Variants in IFTAP observed in about 807,000 individuals in gnomAD.
IFTAP encodes intraflagellar transport-associated protein.
A neutral mutation model predicts 19.4 loss-of-function variants in IFTAP; 19 were observed. That is an observed-to-expected ratio of 0.98 (90% confidence interval 0.68 to 1.44). IFTAP has a LOEUF of 1.44. Among genes scored for constraint, IFTAP ranks in the 40% most tolerant of loss-of-function variants. The pLI is 0.00. For missense variants in IFTAP, 240 were observed against 253.6 expected, an observed-to-expected ratio of 0.95 and a Z score of 0.36; for synonymous variants, 85 against 83.5, an observed-to-expected ratio of 1.02 and a Z score of -0.10.
intron 2 of IFTAP, among the ~76,000 whole-genome samples, chr11:36,613,230 A>G (rs1193702605): frequency 6.6e-6 from 1 of 152,026 alleles, no homozygotes; most frequent in Non-Finnish European, 1.5e-5. Flanking sequence ...CTAAGTTTCA[A>G]TCTTTTGTGT....
chr11:36,603,979 A>G (rs1457637701), intron 1 of IFTAP, among the ~76,000 whole-genome samples: 1 of 151,906 alleles, frequency 6.6e-6, no homozygotes, highest in Non-Finnish European at 1.5e-5. Context: ...AAGGACCTAG[A>G]TCTGTTTTTG....
intron 4 of IFTAP, among the ~76,000 whole-genome samples, chr11:36,638,494 T>C (rs1853053827): frequency 6.6e-6 from 1 of 152,200 alleles, no homozygotes; most frequent in Non-Finnish European, 1.5e-5. Flanking sequence ...TCTATTCTAA[T>C]TACTGAAAAG....
chr11:36,621,999 G>A (rs1852307973), intron 2 of IFTAP, among the ~76,000 whole-genome samples: 1 of 151,784 alleles, frequency 6.6e-6, no homozygotes, highest in South Asian at 2.1e-4. Flanking sequence ...AACAGCCTAT[G>A]AGTTAATAAA....
At chr11:36,600,889 C>A (rs910359469) in intron 1 of IFTAP, among the ~76,000 whole-genome samples, 5 of 152,138 alleles carry the variant, frequency 3.3e-5, no homozygotes, top group Admixed American at 6.5e-5. Context: ...AAGATGGAAG[C>A]CAACCTCAAG....
intron 4 of IFTAP, among the ~76,000 whole-genome samples, chr11:36,637,328 T>A (rs1231300803): frequency 6.6e-6 from 1 of 152,216 alleles, no homozygotes; most frequent in Non-Finnish European, 1.5e-5. Flanking sequence ...AACCAGCAGA[T>A]GTTGCAGATT....
Position 36,633,942 on chromosome 11 carries a change from A to T in IFTAP, c.291+504A>T, listed in dbSNP as rs374480448. Among the ~76,000 whole-genome samples, 10 of 152,246 alleles carry T rather than the reference A, an allele frequency of 6.6e-5. No individual in the cohort carries two copies. In the East Asian group the frequency reaches 1.7e-3, roughly 26 times the overall value. On this transcript the variant is annotated intron_variant, in intron 3 of 5. Transcript: ENST00000334307. ...AGCTATGATTTTTAATTATCAAGGA[A>T]TTATAGTGGAAACTGTTCTGCTTTT...
chr11:36,644,290 C>T (rs1162158698), intron 4 of IFTAP, among the ~76,000 whole-genome samples: 3 of 152,022 alleles, frequency 2.0e-5, no homozygotes, highest in Non-Finnish European at 2.9e-5. Context: ...AAATCAAAAC[C>T]ACAATGAGAT....
chr11:36,630,528 A>C (rs1852687817), intron 2 of IFTAP, among the ~76,000 whole-genome samples: 1 of 151,428 alleles, frequency 6.6e-6, no homozygotes, highest in Admixed American at 6.6e-5. Flanking sequence ...CAGGATCAGA[A>C]GCTGAGACTT....
chr11:36,606,562 G>A (rs1851701435), intron 1 of IFTAP, among the ~76,000 whole-genome samples: 1 of 152,186 alleles, frequency 6.6e-6, no homozygotes. Flanking sequence ...TCTGTTAATT[G>A]TTTGCTTTCA....
chr11:36,601,589 A>T (rs1392863285), intron 1 of IFTAP, among the ~76,000 whole-genome samples: 1 of 152,196 alleles, frequency 6.6e-6, no homozygotes, highest in Non-Finnish European at 1.5e-5. Flanking sequence ...ATTTACTGAA[A>T]TACTTTATTT....
At chr11:36,647,209 G>A (rs368174520) in intron 4 of IFTAP, among the ~76,000 whole-genome samples, 1 of 151,970 alleles carries the variant, frequency 6.6e-6, no homozygotes, top group Admixed American at 6.6e-5. Context: ...TCCAGAGTCC[G>A]CTCCAAGTTA....
intron 5 of IFTAP, among the ~76,000 whole-genome samples, chr11:36,654,841 C>T (rs1213873322): frequency 6.6e-6 from 1 of 152,260 alleles, no homozygotes; most frequent in African/African-American, 2.4e-5. Context: ...CCCCTGTTCT[C>T]ATGATCTCTT....
At chr11:36,627,134 T>C (rs1852546614) in intron 2 of IFTAP, among the ~76,000 whole-genome samples, 1 of 151,190 alleles carries the variant, frequency 6.6e-6, no homozygotes, top group African/African-American at 2.5e-5. Context: ...CTAGAAGAGA[T>C]AAATACATAG....
chr11:36,630,665 A>G (rs1852692980), intron 2 of IFTAP, among the ~76,000 whole-genome samples: 1 of 151,428 alleles, frequency 6.6e-6, no homozygotes, highest in East Asian at 1.9e-4. Context: ...TCGTCCTTGT[A>G]GAACATCTTT....
At chr11:36,603,061 C>G (rs549404428) in intron 1 of IFTAP, among the ~76,000 whole-genome samples, 1 of 152,212 alleles carries the variant, frequency 6.6e-6, no homozygotes, top group Non-Finnish European at 1.5e-5. Flanking sequence ...CAATCTAATA[C>G]TTAGGTGACC....
chr11:36,630,544 T>C (rs1565019823), intron 2 of IFTAP, among the ~76,000 whole-genome samples: 1 of 151,440 alleles, frequency 6.6e-6, no homozygotes, highest in Non-Finnish European at 1.5e-5. Context: ...GACTTCATTA[T>C]ATTTTGCTCT....
At chr11:36,606,497 A>G (rs1437130941) in intron 1 of IFTAP, among the ~76,000 whole-genome samples, 1 of 152,226 alleles carries the variant, frequency 6.6e-6, no homozygotes, top group Non-Finnish European at 1.5e-5. Flanking sequence ...ATATTGGGAT[A>G]ACCACACAAA....
At position 36,659,092 on chromosome 11, in the gene IFTAP, A is replaced by G. The variant is rs1462773557; in HGVS notation, c.572A>G (p.Lys191Arg). Reference protein sequence around the residue: ...FDYDNVMLTSKFSPAEIENIK... With the variant: ...FDYDNVMLTSRFSPAEIENIK... Reference sequence around the variant, plus strand: ...TATGACAATGTGATGCTAACCTCCAAGTTTAGTCCTGCAGAGATAGAGAAC... The same window carrying G: ...TATGACAATGTGATGCTAACCTCCAGGTTTAGTCCTGCAGAGATAGAGAAC... Residue 191 changes from lysine (K) to arginine (R), a missense_variant, in exon 6 of 6, where the codon AAG becomes AGG. Lys to Arg is a conservative substitution (Grantham distance 26). Coordinates refer to ENST00000334307, the MANE Select transcript of IFTAP (RefSeq NM_138787.4). The G allele has an allele frequency of 3.1e-6, 5 of 1,610,310 alleles. No individual in the cohort carries two copies. The highest frequency in any genetic ancestry group is 1.1e-5 in the South Asian group (1 of 90,382).
rs533438855 is a variant in IFTAP at position 36,656,137 on chromosome 11, G to A, written c.499-2882G>A. 4.5e-4 allele frequency among the ~76,000 whole-genome samples: 68 copies of A among 152,284 alleles called. 1 individual carries two copies. The highest frequency in any genetic ancestry group is 1.5e-3 in the African/African-American group (61 of 41,554). ...GGCCGTATCTATAACCAACTTGGCC[G>A]TGGGAGCCCTGATCAGAGTTTAGAA... is the stretch of plus-strand genomic sequence containing the variant. On this transcript the variant is annotated intron_variant, in intron 5 of 5. Transcript: ENST00000334307.
Sources: allele counts gnomAD v4.1 joint callset (sites outside exome capture counted in the v4.1 genomes callset), GRCh38; gene constraint gnomAD v4.1.1; transcripts MANE v1.5; gene names NCBI Gene and HGNC (gene_info 2026-07-23, HGNC 2026-07-21).